The following BCAS4 variants were observed in gnomAD, a reference collection of about 807,000 sequenced individuals.
BCAS4 encodes the protein breast carcinoma-amplified sequence 4.
Under a neutral mutation model 15.7 loss-of-function variants are expected in BCAS4, and 9 were observed. That is an observed-to-expected ratio of 0.57 (90% CI 0.34 to 1.00). The LOEUF (loss-of-function observed/expected upper bound fraction) is 1.00, where lower values mean the gene tolerates loss of function less well. BCAS4 is among the 50% of genes least tolerant of loss of function. The pLI is 0.02. For synonymous variants in BCAS4, 101 were observed against 99.5 expected, an observed-to-expected ratio of 1.02 and a Z score of -0.09; for missense variants, 225 against 239.1, an observed-to-expected ratio of 0.94 and a Z score of 0.39.
intron 4 of BCAS4, among the ~76,000 whole-genome samples, chr20:50,849,367 C>T (rs1438709948): frequency 6.6e-6 from 1 of 152,162 alleles, no homozygotes; most frequent in Admixed American, 6.5e-5. Context: ...GCTGCCTGGC[C>T]CACCTGTTCA....
At chr20:50,864,860 G>A (rs1228652991) in intron 4 of BCAS4, among the ~76,000 whole-genome samples, 3 of 151,836 alleles carry the variant, frequency 2.0e-5, no homozygotes, top group African/African-American at 7.3e-5. Flanking sequence ...TTGGGAGGCC[G>A]AGGCAAGCAG....
chr20:50,830,041 T>C (rs3746426), intron 2 of BCAS4, among the ~76,000 whole-genome samples: 61,075 of 151,948 alleles, frequency 0.4, 15,083 homozygotes, highest in African/African-American at 0.71. Context: ...GGGTGGTTGG[T>C]GGGAAGTGAT....
rs182706332 is a variant in BCAS4, at chr20:50,851,213, C to G, written c.399+9313C>G. Among the ~76,000 whole-genome samples, 140 of 152,298 alleles carry G rather than the reference C, an allele frequency of 9.2e-4. No individual in the cohort carries two copies. Among genetic ancestry groups the G allele is most frequent in the African/African-American group, 3.3e-3 (139 of 41,562 alleles). ...GGGAGAGGAAATTGTGAGGCGCCTT[C>G]TCCCGGCCCTGAACCAGCCACTGCT... On this transcript the variant is annotated intron_variant, in intron 4 of 4. Transcript: ENST00000371608. This position sits in a 1 kb window ranked among gnomAD's most constrained non-coding sequence, Gnocchi z 4.3.
At chr20:50,859,215 T>TA (rs1978937834) in intron 4 of BCAS4, among the ~76,000 whole-genome samples, 1 of 152,176 alleles carries the variant, frequency 6.6e-6, no homozygotes, top group Admixed American at 6.5e-5. Flanking sequence ...GGGCTGAGAT[T>TA]ACAGGCTTGA....
chr20:50,841,508 C>T (rs2088481261), intron 3 of BCAS4, among the ~76,000 whole-genome samples: 1 of 152,126 alleles, frequency 6.6e-6, no homozygotes, highest in Non-Finnish European at 1.5e-5. Context: ...GATTTCCCTC[C>T]CCTCTAAAAT....
chr20:50,839,807 C>T (rs914017825), intron 3 of BCAS4, among the ~76,000 whole-genome samples: 2 of 152,128 alleles, frequency 1.3e-5, no homozygotes, highest in Non-Finnish European at 2.9e-5. Flanking sequence ...TCCACCTGGC[C>T]AAGGTTGATA....
rs1476448658 is a variant in BCAS4 at position 50,795,543 on chromosome 20, C to T, written c.90+370C>T. Among the ~76,000 whole-genome samples, 4 of 140,096 alleles carry T rather than the reference C, an allele frequency of 2.9e-5. No individual in the cohort carries two copies. In the East Asian group the frequency reaches 8.1e-4, roughly 28 times the overall value. 91.9% of individuals were successfully genotyped at this position (140,096 alleles called of 152,430 possible). On this transcript the variant is annotated intron_variant, in intron 1 of 4. Transcript: ENST00000371608. ...CCGGGCCGAGCGGCGCCTCAGGCTG[C>T]GGCTGTGCGGGCCGCGCTGCGCTGC...
intron 4 of BCAS4, among the ~76,000 whole-genome samples, chr20:50,875,154 C>T (rs956482446): frequency 7.2e-5 from 11 of 152,222 alleles, no homozygotes; most frequent in Non-Finnish European, 2.9e-5. Flanking sequence ...GACATCTGAC[C>T]CCCTGGCGTG....
At chr20:50,869,444 G>A (rs1979523491) in intron 4 of BCAS4, among the ~76,000 whole-genome samples, 1 of 152,172 alleles carries the variant, frequency 6.6e-6, no homozygotes, top group African/African-American at 2.4e-5. Context: ...TTGGGGTGGA[G>A]GATGCTGGGC....
In BCAS4 at chr20:50,850,379, T is replaced by G. The variant is rs192053097; in HGVS notation, c.399+8479T>G. ...TGATCCAGCTTTGACCTTGGTCAGCTGGTCAGGTGTGTCTCTACCTCCCTC... is the reference window on the plus strand; with the variant it reads ...TGATCCAGCTTTGACCTTGGTCAGCGGGTCAGGTGTGTCTCTACCTCCCTC... On this transcript the variant is annotated intron_variant, in intron 4 of 4. Transcript: ENST00000371608. Among the ~76,000 whole-genome samples the G allele has an allele frequency of 2.3e-3, 344 of 152,348 alleles. 1 individual carries two copies. The highest frequency in any genetic ancestry group is 4.2e-3 in the Non-Finnish European group (288 of 68,034).
intron 4 of BCAS4, among the ~76,000 whole-genome samples, chr20:50,849,106 C>T (rs905712576): frequency 3.3e-5 from 5 of 152,266 alleles, no homozygotes; most frequent in South Asian, 2.1e-4. Flanking sequence ...CATGCCAGGC[C>T]GGCCCTCCTC....
chr20:50,816,478 C>T (rs1391392515), intron 1 of BCAS4, among the ~76,000 whole-genome samples: 1 of 152,170 alleles, frequency 6.6e-6, no homozygotes, highest in Non-Finnish European at 1.5e-5. Context: ...CATTTCCTAT[C>T]AAATTAGGAT....
chr20:50,828,145 G>T (rs2088301441), intron 2 of BCAS4, among the ~76,000 whole-genome samples: 1 of 152,006 alleles, frequency 6.6e-6, no homozygotes, highest in South Asian at 2.1e-4. Context: ...AGGCTGGGCA[G>T]CCTGACACCA....
At chr20:50,845,460 G>C (rs1257572333) in intron 4 of BCAS4, among the ~76,000 whole-genome samples, 29 of 152,160 alleles carry the variant, frequency 1.9e-4, no homozygotes, top group Non-Finnish European at 1.5e-5. Flanking sequence ...CTCAGAGGCT[G>C]ACATTCCAGT....
chr20:50,858,146 G>A (rs1288332466), intron 4 of BCAS4, among the ~76,000 whole-genome samples: 1 of 152,070 alleles, frequency 6.6e-6, no homozygotes, highest in Non-Finnish European at 1.5e-5. Context: ...GTAATCCCTG[G>A]TATCCATGGG....
intron 4 of BCAS4, among the ~76,000 whole-genome samples, chr20:50,867,849 G>T (rs1450108979): frequency 1.3e-5 from 2 of 152,198 alleles, no homozygotes; most frequent in African/African-American, 4.8e-5. Flanking sequence ...GGGAGGCAGA[G>T]GTTGCAGCAA....
At chr20:50,879,660 G>C (rs188155640), downstream of BCAS4, 3 of 152,370 alleles carry the variant, frequency 2.0e-5, no homozygotes, top group Non-Finnish European at 4.4e-5. Context: ...AGGGGCCAGG[G>C]AGAGTTGGAA....
intron 3 of BCAS4, 44 bp downstream of exon 3, chr20:50,830,424 T>G: frequency 9.8e-6 from 15 of 1,536,724 alleles, no homozygotes; most frequent in Non-Finnish European, 1.3e-5. Flanking sequence ...GGACTTGATC[T>G]TGCTTTTGCC....
At chr20:50,856,703 C>T (rs949991100) in intron 4 of BCAS4, among the ~76,000 whole-genome samples, 2 of 152,198 alleles carry the variant, frequency 1.3e-5, no homozygotes, top group African/African-American at 4.8e-5. Context: ...TGACAGTGGT[C>T]AGTGCTTGGA....
Sources: gnomAD v4.1 joint callset for allele counts (sites outside exome capture counted in the v4.1 genomes callset) on GRCh38, gnomAD v4.1.1 for gene constraint, Gnocchi (gnomAD v3.1) non-coding constraint, MANE v1.5 for transcripts, NCBI Gene and HGNC (gene_info 2026-07-23, HGNC 2026-07-21) for gene names.